Variants in FANCC observed in about 807,000 individuals in gnomAD.
The protein encoded by FANCC is FA complementation group C, also known as Fanconi anemia group C protein.
FANCC carries 55 observed loss-of-function variants against 71.3 expected under a neutral mutation model. That is an observed-to-expected ratio of 0.77 (90% confidence interval 0.62 to 0.97). The LOEUF is 0.97. FANCC is among the 50% of genes least tolerant of loss of function. FANCC has a pLI of 0.00. For synonymous variants in FANCC, 275 were observed against 244.9 expected, an observed-to-expected ratio of 1.12 and a Z score of -1.15; for missense variants, 678 against 670.9, an observed-to-expected ratio of 1.01 and a Z score of -0.12.
chr9:95,117,431 A>G, intron 10 of FANCC, 41 bp from the exon 11 acceptor site: 1 of 1,556,706 alleles, frequency 6.4e-7, no homozygotes, highest in Non-Finnish European at 8.8e-7. Flanking sequence ...GAACATTAAG[A>G]TTGAAACGGG....
At position 95,100,479 on chromosome 9, in the gene FANCC, C is replaced by T. The variant is rs951650611; in HGVS notation, c.*1228G>A. ...AACGGAGCCAAGACTCAGACTAATACACACAAATCAAAATGGACAAAAGCA... is the reference window on the plus strand; with the variant it reads ...AACGGAGCCAAGACTCAGACTAATATACACAAATCAAAATGGACAAAAGCA... On this transcript the variant is annotated 3_prime_UTR_variant, in exon 15 of 15. Transcript: ENST00000289081. The T allele has an allele frequency of 8.6e-6, 2 of 231,922 alleles. No homozygotes were observed. The highest frequency in any genetic ancestry group is 1.7e-5 in the Non-Finnish European group (2 of 117,188). The allele number at this position is 231,922 out of a possible 1,614,324, so 14.4% of individuals were successfully genotyped here.
At chr9:95,130,355 C>G (rs1051509266) in intron 8 of FANCC, among the ~76,000 whole-genome samples, 1 of 150,500 alleles carries the variant, frequency 6.6e-6, no homozygotes, top group Admixed American at 6.6e-5. Context: ...GAAAACAAAC[C>G]AAAAAGGGAA....
At chr9:95,137,151 A>G (rs1827820101) in intron 7 of FANCC, among the ~76,000 whole-genome samples, 1 of 152,194 alleles carries the variant, frequency 6.6e-6, no homozygotes, top group Non-Finnish European at 1.5e-5. Context: ...CTGTCCCTTC[A>G]CCATGACTTT....
At chr9:95,244,205 T>A (rs984086374) in intron 3 of FANCC, among the ~76,000 whole-genome samples, 1 of 152,202 alleles carries the variant, frequency 6.6e-6, no homozygotes, top group Non-Finnish European at 1.5e-5. Context: ...CATCTTCAAG[T>A]TTGCCCCAGC....
At chr9:95,105,216 G>A (rs1383585239) in intron 14 of FANCC, among the ~76,000 whole-genome samples, 1 of 152,168 alleles carries the variant, frequency 6.6e-6, no homozygotes, top group Non-Finnish European at 1.5e-5. Flanking sequence ...TACCAGGATG[G>A]AGACAATCTC....
chr9:95,245,898 CAAA>C (rs140313312), intron 3 of FANCC, among the ~76,000 whole-genome samples: 5 of 116,050 alleles, frequency 4.3e-5, no homozygotes, highest in African/African-American at 7.1e-5. Context: ...AACTCTGTCT[CAAA>C]AAAAAAAAAA....
chr9:95,233,201 A>G (rs1830114405), intron 4 of FANCC, among the ~76,000 whole-genome samples: 1 of 152,108 alleles, frequency 6.6e-6, no homozygotes, highest in Admixed American at 6.6e-5. Flanking sequence ...TCAATTATCA[A>G]TTAATCTTTA....
At chr9:95,167,479 TTTC>T (rs1193929424) in intron 6 of FANCC, among the ~76,000 whole-genome samples, 6 of 152,194 alleles carry the variant, frequency 3.9e-5, no homozygotes, top group African/African-American at 1.4e-4. Flanking sequence ...TGTCTTAGGC[TTTC>T]TTGACTTTCC....
chr9:95,249,854 AT>A (rs1195438216), intron 1 of FANCC, among the ~76,000 whole-genome samples: 2 of 152,236 alleles, frequency 1.3e-5, no homozygotes, highest in African/African-American at 2.4e-5. Context: ...TGTCTAACGA[AT>A]TTTTTTCCCA....
chr9:95,215,024 A>G (rs1828770307), intron 4 of FANCC, among the ~76,000 whole-genome samples: 1 of 152,210 alleles, frequency 6.6e-6, no homozygotes, highest in East Asian at 1.9e-4. Context: ...TATATGATAA[A>G]AAGTTTAAAA....
At chr9:95,166,392 T>A (rs780591856) in intron 6 of FANCC, among the ~76,000 whole-genome samples, 1 of 152,106 alleles carries the variant, frequency 6.6e-6, no homozygotes, top group Admixed American at 6.5e-5. Flanking sequence ...CCTACAGGTA[T>A]TTTCTTGTTG....
intron 4 of FANCC, among the ~76,000 whole-genome samples, chr9:95,228,324 C>G (rs1829759211): frequency 1.3e-5 from 2 of 152,174 alleles, no homozygotes; most frequent in Non-Finnish European, 2.9e-5. Context: ...AAATGCGTCC[C>G]AAACTATTTT....
intron 10 of FANCC, among the ~76,000 whole-genome samples, chr9:95,119,993 G>GTT (rs2072743347): frequency 1.3e-5 from 2 of 151,532 alleles, no homozygotes; most frequent in African/African-American, 4.9e-5. Context: ...GATTACAGGA[G>GTT]TGAGCTATGC....
intron 7 of FANCC, among the ~76,000 whole-genome samples, chr9:95,143,157 G>A (rs1453775152): frequency 6.6e-6 from 1 of 152,160 alleles, no homozygotes; most frequent in African/African-American, 2.4e-5. Flanking sequence ...AATTTATTCT[G>A]AAAGATACAA....
At chr9:95,275,747 G>A (rs987700532) in intron 1 of FANCC, among the ~76,000 whole-genome samples, 1 of 152,168 alleles carries the variant, frequency 6.6e-6, no homozygotes, top group Non-Finnish European at 1.5e-5. Flanking sequence ...AACCTAGCTA[G>A]GTGGTGCATG....
At chr9:95,155,632 G>A (rs188043648) in intron 6 of FANCC, among the ~76,000 whole-genome samples, 35 of 152,200 alleles carry the variant, frequency 2.3e-4, no homozygotes, top group African/African-American at 7.9e-4. Context: ...TTGGACAGAA[G>A]ACAAGCAGTT....
intron 4 of FANCC, among the ~76,000 whole-genome samples, chr9:95,221,826 T>C (rs1588304121): frequency 6.6e-6 from 1 of 152,178 alleles, no homozygotes; most frequent in South Asian, 2.1e-4. Context: ...TATACATCCA[T>C]GAGGACGACT....
At chr9:95,117,504 C>T (rs1182859275) in intron 10 of FANCC, 114 bp from the exon 11 acceptor site, 1 of 764,046 alleles carries the variant, frequency 1.3e-6, no homozygotes. Flanking sequence ...CTAACATGGT[C>T]AGAACACTTT....
At chr9:95,299,234 T>C (rs1388895637) in intron 1 of FANCC, among the ~76,000 whole-genome samples, 1 of 152,238 alleles carries the variant, frequency 6.6e-6, no homozygotes, top group Non-Finnish European at 1.5e-5. Flanking sequence ...TCAAAATCCC[T>C]ATAATTTGTA....
Sources: allele counts gnomAD v4.1 joint callset (sites outside exome capture counted in the v4.1 genomes callset), GRCh38; gene constraint gnomAD v4.1.1; transcripts MANE v1.5; gene names NCBI Gene and HGNC (gene_info 2026-07-23, HGNC 2026-07-21).